Variants in GPC6 observed in about 807,000 individuals in gnomAD.
GPC6 encodes the protein glypican-6.
GPC6 carries 14 observed loss-of-function variants against 55.2 expected under a neutral mutation model. The ratio of observed to expected loss-of-function variants is 0.25; its 90% CI spans 0.17 to 0.40. GPC6 has a LOEUF of 0.40. Among genes scored for constraint, GPC6 ranks in the 10% least tolerant of loss-of-function variants. The pLI, the probability that GPC6 is intolerant of heterozygous loss-of-function variation, is 1.00. For missense variants in GPC6, 641 were observed against 708.5 expected, an observed-to-expected ratio of 0.90 and a Z score of 1.08; for synonymous variants, 278 against 259.6, an observed-to-expected ratio of 1.07 and a Z score of -0.68.
chr13:93,909,790 A>G (rs1413292192), intron 3 of GPC6, among the ~76,000 whole-genome samples: 2 of 152,076 alleles, frequency 1.3e-5, no homozygotes, highest in South Asian at 2.1e-4. Context: ...TTTTCGCACT[A>G]TATTCTGATG....
At chr13:94,219,950 G>A (rs1173560716) in intron 4 of GPC6, among the ~76,000 whole-genome samples, 1 of 152,084 alleles carries the variant, frequency 6.6e-6, no homozygotes, top group Non-Finnish European at 1.5e-5. Flanking sequence ...GGTTTCAGGT[G>A]TTTAATTAGA....
At chr13:94,374,513 G>A (rs9524464) in intron 6 of GPC6, among the ~76,000 whole-genome samples, 83,350 of 107,718 alleles carry the variant, frequency 0.77, 32,064 homozygotes, top group African/African-American at 0.89. Flanking sequence ...AGAGCTAACT[G>A]TCCTAAATAT....
chr13:94,108,873 T>A (rs1343774486), intron 4 of GPC6, among the ~76,000 whole-genome samples: 3 of 152,000 alleles, frequency 2.0e-5, no homozygotes, highest in African/African-American at 4.8e-5. Flanking sequence ...AAAGTTTTTT[T>A]AATAATTTAA....
At chr13:93,719,344 A>G (rs1392432287) in intron 2 of GPC6, among the ~76,000 whole-genome samples, 2 of 151,968 alleles carry the variant, frequency 1.3e-5, no homozygotes, top group African/African-American at 2.4e-5. Context: ...TCTTTGTAGC[A>G]ATTGAGAATG....
intron 4 of GPC6, among the ~76,000 whole-genome samples, chr13:94,179,699 T>C (rs976872931): frequency 1.3e-5 from 2 of 152,226 alleles, no homozygotes; most frequent in Admixed American, 1.3e-4. Flanking sequence ...ACTATTTCTG[T>C]AGTTAGCTGA....
In GPC6 at chr13:93,665,437, C is replaced by T. The variant is rs143786659; in HGVS notation, c.319+120016C>T. 4.2e-3 allele frequency among the ~76,000 whole-genome samples: 643 copies of T among 152,072 alleles called. 1 individual carries two copies. The highest frequency in any genetic ancestry group is 7.9e-3 in the African/African-American group (326 of 41,492). On this transcript the variant is annotated intron_variant, in intron 2 of 8. Transcript: ENST00000377047. ...GTCTATAGATAACTATGCAGGGATACGCTTATGTACCTAGACATTTCTGGA... is the reference window on the plus strand; with the variant it reads ...GTCTATAGATAACTATGCAGGGATATGCTTATGTACCTAGACATTTCTGGA...
At chr13:93,739,117 C>T (rs1357670206) in intron 2 of GPC6, among the ~76,000 whole-genome samples, 1 of 152,076 alleles carries the variant, frequency 6.6e-6, no homozygotes, top group Non-Finnish European at 1.5e-5. Context: ...TTGTAGATAG[C>T]TAGATATGGA....
intron 5 of GPC6, among the ~76,000 whole-genome samples, chr13:94,289,852 A>G (rs1487891800): frequency 1.3e-5 from 2 of 152,232 alleles, no homozygotes; most frequent in Non-Finnish European, 2.9e-5. Flanking sequence ...GATACAAAGA[A>G]GAAATAATAC....
rs1029532815 is a variant in GPC6 at position 93,305,340 on chromosome 13, A to G, written c.160+77724A>G. 2.0e-5 allele frequency among the ~76,000 whole-genome samples: 3 copies of G among 152,254 alleles called. No individual in the cohort carries two copies. In the East Asian group the frequency reaches 5.8e-4, roughly 29 times the overall value. On this transcript the variant is annotated intron_variant, in intron 1 of 8. Coordinates refer to ENST00000377047, the MANE Select transcript of GPC6 (RefSeq NM_005708.5). The stretch of plus-strand genomic sequence containing the variant: ...AGCCTGCTTTGAGGAGCAAAGACAC[A>G]TAAGACCCCTTGCTCAGCACCTGAT...
At chr13:93,399,191 G>T (rs1875976992) in intron 1 of GPC6, among the ~76,000 whole-genome samples, 1 of 152,190 alleles carries the variant, frequency 6.6e-6, no homozygotes, top group African/African-American at 2.4e-5. Context: ...GATGGTGCGT[G>T]TTCTGAATGG....
intron 3 of GPC6, among the ~76,000 whole-genome samples, chr13:93,860,520 C>T (rs1347773492): frequency 1.3e-5 from 2 of 151,528 alleles, no homozygotes; most frequent in African/African-American, 4.8e-5. Context: ...CAATCTTTTA[C>T]ACAAATATAT....
intron 1 of GPC6, among the ~76,000 whole-genome samples, chr13:93,279,992 C>T (rs911717744): frequency 2.6e-5 from 4 of 152,058 alleles, no homozygotes; most frequent in Non-Finnish European, 4.4e-5. Flanking sequence ...CCTAGCCTGA[C>T]GAAAGAATTG....
intron 4 of GPC6, among the ~76,000 whole-genome samples, chr13:94,149,808 T>C (rs1887676547): frequency 6.6e-6 from 1 of 152,030 alleles, no homozygotes; most frequent in Admixed American, 6.6e-5. Flanking sequence ...CCTCCCAGTG[T>C]ACCTTGTAGT....
chr13:93,918,118 A>G (rs1877384215), intron 3 of GPC6, among the ~76,000 whole-genome samples: 1 of 152,048 alleles, frequency 6.6e-6, no homozygotes, highest in African/African-American at 2.4e-5. Flanking sequence ...AATCACATCT[A>G]ACTCATGATG....
chr13:93,276,495 A>AGAGAGTGTGTGT (rs1365006783), intron 1 of GPC6, among the ~76,000 whole-genome samples: 1 of 94,400 alleles, frequency 1.1e-5, no homozygotes, highest in African/African-American at 4.5e-5. Flanking sequence ...AGAGAGAGAG[A>AGAGAGTGTGTGT]GTGTGTGTGT....
chr13:94,075,435 GGT>G (rs150809379), intron 4 of GPC6, among the ~76,000 whole-genome samples: 2 of 151,378 alleles, frequency 1.3e-5, no homozygotes, highest in African/African-American at 2.4e-5. Context: ...TTTGTGTGCA[GGT>G]GTGTGTGTGT....
intron 3 of GPC6, among the ~76,000 whole-genome samples, chr13:93,989,932 G>GTATA (rs143198551): frequency 9.4e-4 from 138 of 146,106 alleles, no homozygotes; most frequent in Admixed American, 2.1e-3. Flanking sequence ...ATATATATAT[G>GTATA]TATATATATA....
chr13:93,814,673 C>G (rs994967725), intron 2 of GPC6, among the ~76,000 whole-genome samples: 1 of 152,186 alleles, frequency 6.6e-6, no homozygotes, highest in Non-Finnish European at 1.5e-5. Context: ...AATGATCTGT[C>G]AAGTGACCCA....
chr13:93,902,931 C>T (rs189629079), intron 3 of GPC6, among the ~76,000 whole-genome samples: 1 of 152,216 alleles, frequency 6.6e-6, no homozygotes. Context: ...AATCCATGCA[C>T]TTATAGCCTA....
Sources: gnomAD v4.1 joint callset for allele counts (sites outside exome capture counted in the v4.1 genomes callset) on GRCh38, gnomAD v4.1.1 for gene constraint, MANE v1.5 for transcripts, NCBI Gene and HGNC (gene_info 2026-07-23, HGNC 2026-07-21) for gene names.